TTC34: variants seen among roughly 807,000 people sequenced by gnomAD.
The protein encoded by TTC34 is tetratricopeptide repeat domain 34, also known as tetratricopeptide repeat protein 34.
Under a neutral mutation model 40.7 loss-of-function variants are expected in TTC34, and 44 were observed. That is an observed-to-expected ratio of 1.08 (90% confidence interval 0.85 to 1.39). The LOEUF (loss-of-function observed/expected upper bound fraction) is 1.39. Ranked by LOEUF, TTC34 falls within the 40% of genes most tolerant of loss-of-function variation. The probability of loss-of-function intolerance (pLI) is 0.00; values close to 1 mark genes in which losing one functional copy is unlikely to be tolerated. For missense variants in TTC34, 884 were observed against 838.0 expected (o/e 1.05, Z -0.68); for synonymous variants, 422 against 398.6 (o/e 1.06, Z -0.70).
intron 5 of TTC34, among the ~76,000 whole-genome samples, chr1:2,785,350 C>A (rs1187371220): frequency 1.4e-5 from 2 of 147,928 alleles, no homozygotes; most frequent in Non-Finnish European, 3.0e-5. Flanking sequence ...CCTCCAGACA[C>A]CTGGCCCCCC....
chr1:2,687,344 C>A (rs1230087353), intron 6 of TTC34, among the ~76,000 whole-genome samples: 1 of 130,482 alleles, frequency 7.7e-6, no homozygotes, highest in African/African-American at 3.3e-5. Context: ...GAGCATCCGA[C>A]AGCCTGGAGC....
At chr1:2,683,852 C>T (rs1242606591) in intron 6 of TTC34, among the ~76,000 whole-genome samples, 22 of 143,812 alleles carry the variant, frequency 1.5e-4, no homozygotes, top group Middle Eastern at 4.1e-3. Flanking sequence ...GAACATCCGA[C>T]AGCCTGGAGC....
At chr1:2,674,723 C>A (rs1341408462) in intron 6 of TTC34, among the ~76,000 whole-genome samples, 2 of 78,936 alleles carry the variant, frequency 2.5e-5, no homozygotes, top group East Asian at 2.6e-4. Flanking sequence ...CCCTGCACCC[C>A]CAGGTGAGCA....
intron 6 of TTC34, among the ~76,000 whole-genome samples, chr1:2,759,573 C>T (rs1397810690): frequency 1.3e-5 from 2 of 148,500 alleles, no homozygotes; most frequent in African/African-American, 2.5e-5. Context: ...AGACGAGCAT[C>T]GGACAGCCTG....
intron 6 of TTC34, among the ~76,000 whole-genome samples, chr1:2,688,673 C>G (rs1444083919): frequency 7.4e-6 from 1 of 134,940 alleles, no homozygotes; most frequent in Non-Finnish European, 1.5e-5. Flanking sequence ...CTCTGACAGC[C>G]TGGAACAGCA....
At chr1:2,773,098 C>T (rs1569845286) in intron 6 of TTC34, among the ~76,000 whole-genome samples, 1 of 147,108 alleles carries the variant, frequency 6.8e-6, no homozygotes, top group African/African-American at 2.5e-5. Context: ...GCACCCACAC[C>T]CCCAGGCGAG....
At chr1:2,785,738 C>G in intron 5 of TTC34, 81 bp downstream of exon 5, 2 of 1,444,690 alleles carry the variant, frequency 1.4e-6, no homozygotes, top group Non-Finnish European at 1.8e-6. Flanking sequence ...CGTGTCCCCA[C>G]CAACCAGCAT....
At chr1:2,686,697 G>A (rs573382468) in intron 6 of TTC34, among the ~76,000 whole-genome samples, 20 of 65,708 alleles carry the variant, frequency 3.0e-4, no homozygotes, top group South Asian at 1.1e-3. Context: ...AGGTGCGCAC[G>A]TGACAGCCTG....
At chr1:2,641,804 C>A in exon 9 of TTC34, 2 of 1,535,216 alleles carry the variant, frequency 1.3e-6, no homozygotes, top group Non-Finnish European at 1.7e-6. Context: ...ACAGGCACTG[C>A]TGCCACTGGC....
At chr1:2,753,479 T>A (rs1447199132) in intron 6 of TTC34, among the ~76,000 whole-genome samples, 1 of 24,274 alleles carries the variant, frequency 4.1e-5, no homozygotes, top group Admixed American at 4.5e-4. Context: ...ACGTGACAGC[T>A]TGGATCAGCA....
chr1:2,694,407 CCAGCCTGGAAA>C (rs1640767148), intron 6 of TTC34, among the ~76,000 whole-genome samples: 1 of 88,568 alleles, frequency 1.1e-5, no homozygotes, highest in Non-Finnish European at 2.2e-5. Context: ...CGAGCATCCG[CCAGCCTGGAAA>C]AGCACCCACA....
intron 6 of TTC34, among the ~76,000 whole-genome samples, chr1:2,753,044 A>C (rs1641377184): frequency 6.6e-6 from 1 of 150,908 alleles, no homozygotes; most frequent in East Asian, 2.0e-4. Flanking sequence ...AGCCTGGAGC[A>C]GCACCCACAC....
At chr1:2,698,527 C>T (rs917803393) in intron 6 of TTC34, among the ~76,000 whole-genome samples, 2 of 141,860 alleles carry the variant, frequency 1.4e-5, no homozygotes. Flanking sequence ...GCACCCCACA[C>T]CCCCAGGTGA....
At chr1:2,748,881 CTT>C (rs1641229216) in intron 6 of TTC34, among the ~76,000 whole-genome samples, 4 of 28,678 alleles carry the variant, frequency 1.4e-4, no homozygotes, top group Middle Eastern at 0.019. Flanking sequence ...GCACCCACAC[CTT>C]CAGGTGAGCA....
intron 6 of TTC34, among the ~76,000 whole-genome samples, chr1:2,683,230 C>G (rs1192866984): frequency 1.3e-5 from 2 of 148,154 alleles, no homozygotes; most frequent in African/African-American, 5.0e-5. Context: ...GGCACCCACA[C>G]CCCCAAGTGA....
chr1:2,673,437 C>G (rs1294006834), intron 6 of TTC34, among the ~76,000 whole-genome samples: 5 of 81,174 alleles, frequency 6.2e-5, no homozygotes, highest in African/African-American at 2.2e-4. Flanking sequence ...CACTGACACC[C>G]ACAGGTGAGC....
intron 6 of TTC34, among the ~76,000 whole-genome samples, chr1:2,754,829 G>C (rs1641451571): frequency 7.3e-5 from 11 of 150,786 alleles, no homozygotes; most frequent in African/African-American, 2.2e-4. Context: ...CCCCAGGTGA[G>C]CATCTGACAG....
Position 2,645,330 on chromosome 1 carries a change from G to A in TTC34, c.2460C>T (p.His820=). The stretch of plus-strand genomic sequence containing the variant: ...GAATGTCTGCCAGGAGGAGGTGCCA[G>A]TGCGGTTGCCCTGAGTCGATTTTGA... The change falls in exon 7 of 9, where the codon CAC becomes CAT. Residue 820 remains histidine (H), a synonymous_variant. Transcript: ENST00000401095. The surrounding 1 kb of genome is among the most constrained non-coding windows in gnomAD (Gnocchi z 4.7). 6.6e-7 allele frequency: 1 copy of A among 1,516,394 alleles called. No homozygotes were observed. The highest frequency in any genetic ancestry group is 8.8e-7 in the Non-Finnish European group (1 of 1,134,862). 93.9% of individuals were successfully genotyped at this position (1,516,394 alleles called of 1,614,324 possible).
intron 6 of TTC34, among the ~76,000 whole-genome samples, chr1:2,682,814 GGAACAGCACACA>G (rs1640137546): frequency 6.7e-6 from 1 of 149,586 alleles, no homozygotes. Context: ...CTGACAGCCT[GGAACAGCACACA>G]CACCCCCAGG....
Sources: gnomAD v4.1 joint callset for allele counts (sites outside exome capture counted in the v4.1 genomes callset) on GRCh38, gnomAD v4.1.1 for gene constraint, Gnocchi (gnomAD v3.1) non-coding constraint, MANE v1.5 for transcripts, NCBI Gene and HGNC (gene_info 2026-07-23, HGNC 2026-07-21) for gene names.